Variants in ZNF385D observed in about 807,000 individuals in gnomAD.
ZNF385D encodes the protein zinc finger protein 659.
In ZNF385D, 15 loss-of-function variants were observed where a neutral mutation model predicts 35.8. The ratio of observed to expected loss-of-function variants is 0.42; its 90% CI spans 0.28 to 0.64. ZNF385D has a LOEUF of 0.64. Ranked by LOEUF, ZNF385D falls within the 30% of genes least tolerant of loss-of-function variation. The pLI is 0.23. For missense variants in ZNF385D, 474 were observed against 494.6 expected (o/e 0.96, Z 0.39); for synonymous variants, 212 against 186.8 (o/e 1.13, Z -1.10).
chr3:21,919,672 A>C (rs1700359383), intron 3 of ZNF385D, among the ~76,000 whole-genome samples: 1 of 152,204 alleles, frequency 6.6e-6, no homozygotes, highest in South Asian at 2.1e-4. Flanking sequence ...TATTCACTAA[A>C]TTTAACCATA....
chr3:21,723,774 C>T (rs1411077943), intron 1 of ZNF385D, among the ~76,000 whole-genome samples: 1 of 152,126 alleles, frequency 6.6e-6, no homozygotes, highest in Non-Finnish European at 1.5e-5. Context: ...GGCAGGCCAA[C>T]ATTCAAATTC....
rs1701406508 is a variant in ZNF385D, at chr3:22,092,910, T to C, written c.325+75907A>G. 3.3e-5 allele frequency among the ~76,000 whole-genome samples: 5 copies of C among 152,214 alleles called. No homozygotes were observed. The South Asian group carries it at 6.2e-4, about 19-fold the overall frequency. On this transcript the variant is annotated intron_variant, in intron 3 of 5. Transcript: ENST00000494108. ...TTAGTTCTCTATTATTTATAACTCA[T>C]CTATTCTTGAAATTACTAAAGCAAA...
At chr3:22,208,051 T>C (rs1314902567) in intron 2 of ZNF385D, among the ~76,000 whole-genome samples, 1 of 151,934 alleles carries the variant, frequency 6.6e-6, no homozygotes, top group Non-Finnish European at 1.5e-5. Context: ...GTAGAAATAC[T>C]ATACGATGCA....
intron 7 of ZNF385D, among the ~76,000 whole-genome samples, chr3:21,423,009 A>T (rs546966980): frequency 6.6e-6 from 1 of 152,316 alleles, no homozygotes; most frequent in African/African-American, 2.4e-5. Context: ...AGAGAAAAAC[A>T]TAAAGGGAAT....
chr3:22,145,476 CTT>C (rs1042033893), intron 3 of ZNF385D, among the ~76,000 whole-genome samples: 5 of 152,242 alleles, frequency 3.3e-5, no homozygotes, highest in African/African-American at 1.2e-4. Context: ...TAGACAGACT[CTT>C]TGCCTATGAA....
Position 21,505,385 on chromosome 3 carries a change from T to A in ZNF385D, c.439+5476A>T, listed in dbSNP as rs562056113. 1.1e-3 allele frequency among the ~76,000 whole-genome samples: 172 copies of A among 152,200 alleles called. 1 individual carries two copies. The highest frequency in any genetic ancestry group is 4.1e-3 in the African/African-American group (169 of 41,534). On this transcript the variant is annotated intron_variant, in intron 4 of 7. Transcript: ENST00000281523. ...CATAAGATTGAAGGAACAGACTCTTTGTGGCAATAAGATACAAAATTCTAA... is the reference window on the plus strand; with the variant it reads ...CATAAGATTGAAGGAACAGACTCTTAGTGGCAATAAGATACAAAATTCTAA...
intron 2 of ZNF385D, among the ~76,000 whole-genome samples, chr3:21,636,378 TTATATA>T (rs1183440640): frequency 0.069 from 3,288 of 47,896 alleles, 93 homozygotes; most frequent in Middle Eastern, 0.14. Flanking sequence ...ATATATATGA[TTATATA>T]TATATATATA....
intron 3 of ZNF385D, among the ~76,000 whole-genome samples, chr3:21,792,939 A>G (rs1331603072): frequency 7.2e-5 from 11 of 152,200 alleles, no homozygotes; most frequent in Admixed American, 3.3e-4. Context: ...TTGTGTAAAT[A>G]TGATTAAAGC....
rs147338730 is a variant in ZNF385D at position 21,966,559 on chromosome 3, G to C, written c.325+202258C>G. ...CTATAAACCTATTGTAAACCTATTG[G>C]TGTCAACTAGCAGGTTTACTTCTTG... On this transcript the variant is annotated intron_variant, in intron 3 of 5. Coordinates refer to the ZNF385D transcript ENST00000494108. Among the ~76,000 whole-genome samples the C allele has an allele frequency of 9.4e-3, 1,428 of 152,138 alleles. 28 individuals are homozygous for C. Among genetic ancestry groups the C allele is most frequent in the African/African-American group, 0.031 (1,298 of 41,518 alleles).
At chr3:22,003,641 T>G (rs887863870) in intron 3 of ZNF385D, among the ~76,000 whole-genome samples, 2 of 151,946 alleles carry the variant, frequency 1.3e-5, no homozygotes, top group South Asian at 4.2e-4. Flanking sequence ...CCAAGGTGAG[T>G]GGATCACTTG....
At chr3:22,235,295 G>C (rs1368893052) in intron 2 of ZNF385D, among the ~76,000 whole-genome samples, 2 of 152,014 alleles carry the variant, frequency 1.3e-5, no homozygotes, top group Non-Finnish European at 2.9e-5. Context: ...AAACAGTAAT[G>C]AATATTTAAA....
chr3:22,359,322 C>G (rs1221975281), intron 2 of ZNF385D, among the ~76,000 whole-genome samples: 1 of 151,608 alleles, frequency 6.6e-6, no homozygotes, highest in Non-Finnish European at 1.5e-5. Context: ...CCAGTATCAC[C>G]TAAAAAATGA....
chr3:21,438,813 CCTAACA>C (rs1221968984), intron 4 of ZNF385D, among the ~76,000 whole-genome samples: 5 of 152,064 alleles, frequency 3.3e-5, no homozygotes, highest in East Asian at 3.9e-4. Context: ...GTAAAATTAC[CCTAACA>C]CTAAGTTTTG....
intron 2 of ZNF385D, among the ~76,000 whole-genome samples, chr3:21,585,297 G>A (rs574240839): frequency 2.4e-4 from 36 of 152,076 alleles, no homozygotes; most frequent in Non-Finnish European, 4.9e-4. Context: ...CACTTCCTCT[G>A]AAATCTTCTG....
chr3:22,167,325 A>C (rs1559422695), intron 3 of ZNF385D, among the ~76,000 whole-genome samples: 1 of 152,144 alleles, frequency 6.6e-6, no homozygotes, highest in Non-Finnish European at 1.5e-5. Context: ...CAAATATATC[A>C]GCATGTACTC....
rs549261175 is a variant in ZNF385D, at chr3:22,124,573, C to A, written c.325+44244G>T. Among the ~76,000 whole-genome samples, 9 of 152,154 alleles carry A rather than the reference C, an allele frequency of 5.9e-5. No homozygotes were observed. In the South Asian group the frequency reaches 1.9e-3, roughly 32 times the overall value. On this transcript the variant is annotated intron_variant, in intron 3 of 5. Coordinates refer to the ZNF385D transcript ENST00000494108. ...ATGAGGATTCCTGTCTCCACATTCT[C>A]GCCAGAATTCATTATTGCTCATCTT... is the stretch of plus-strand genomic sequence containing the variant.
chr3:21,864,973 C>A (rs552107149), intron 3 of ZNF385D, among the ~76,000 whole-genome samples: 1 of 121,030 alleles, frequency 8.3e-6, no homozygotes, highest in South Asian at 3.0e-4. Flanking sequence ...AGCAGCCAAC[C>A]TACGTTTGGA....
chr3:21,701,324 CA>C lies in ZNF385D; in HGVS notation c.23-36297del, dbSNP rs2067675452. ...GAAAAATGAGAAAATGAGGAAGAAG[CA>C]AAAGAGGAAACCCCTGATAAATCCG... On this transcript the variant is annotated intron_variant, in intron 1 of 7. Transcript: ENST00000281523. 1.5e-4 allele frequency among the ~76,000 whole-genome samples: 23 copies of C among 151,866 alleles called. No individual in the cohort carries two copies. In the South Asian group the frequency reaches 4.8e-3, roughly 32 times the overall value.
intron 3 of ZNF385D, among the ~76,000 whole-genome samples, chr3:21,898,293 G>A (rs1699236870): frequency 6.6e-6 from 1 of 152,120 alleles, no homozygotes; most frequent in Non-Finnish European, 1.5e-5. Flanking sequence ...ACCCCCCTGA[G>A]ATCAAGCCTA....
Sources: allele counts gnomAD v4.1 joint callset (sites outside exome capture counted in the v4.1 genomes callset), GRCh38; gene constraint gnomAD v4.1.1; transcripts MANE v1.5; gene names NCBI Gene and HGNC (gene_info 2026-07-23, HGNC 2026-07-21).